The following TPO variants were observed in gnomAD, a reference collection of about 807,000 sequenced individuals.
TPO encodes thyroid microsomal antigen.
In TPO, 78 loss-of-function variants were observed where a neutral mutation model predicts 96.9. That is an observed-to-expected ratio of 0.81 (90% CI 0.67 to 0.97). The LOEUF (loss-of-function observed/expected upper bound fraction) is 0.97. Among genes scored for constraint, TPO ranks in the 50% least tolerant of loss-of-function variants. The pLI is 0.00. For missense variants in TPO, 1,252 were observed against 1,274.8 expected (o/e 0.98, Z 0.27); for synonymous variants, 547 against 538.0 (o/e 1.02, Z -0.23).
At chr2:1,396,711 C>A (rs1344271084) in intron 1 of TPO, among the ~76,000 whole-genome samples, 4 of 152,092 alleles carry the variant, frequency 2.6e-5, no homozygotes. Flanking sequence ...GAGCATGAGC[C>A]CCAGGTTAGA....
chr2:1,480,324 T>C (rs554875627), intron 8 of TPO, among the ~76,000 whole-genome samples: 2 of 152,254 alleles, frequency 1.3e-5, no homozygotes, highest in South Asian at 4.1e-4. Context: ...TAATAAGTTG[T>C]GTTTAACGTG....
intron 1 of TPO, among the ~76,000 whole-genome samples, chr2:1,395,562 A>G (rs1274434968): frequency 1.3e-5 from 2 of 152,342 alleles, no homozygotes; most frequent in African/African-American, 2.4e-5. Flanking sequence ...ACATAAAAAT[A>G]TCTCTCCATG....
At chr2:1,470,874 G>A (rs1669340005) in intron 7 of TPO, among the ~76,000 whole-genome samples, 1 of 152,334 alleles carries the variant, frequency 6.6e-6, no homozygotes, top group African/African-American at 2.4e-5. Context: ...GGAGGCCACA[G>A]GGCTTCCACT....
At chr2:1,463,587 A>G in intron 7 of TPO, among the ~76,000 whole-genome samples, 1 of 152,192 alleles carries the variant, frequency 6.6e-6, no homozygotes, top group Admixed American at 6.5e-5. Flanking sequence ...GAGACTATAA[A>G]TTAAAGTGTT....
At chr2:1,403,379 C>A (rs1175211188) in intron 1 of TPO, among the ~76,000 whole-genome samples, 2 of 152,208 alleles carry the variant, frequency 1.3e-5, no homozygotes, top group African/African-American at 2.4e-5. Flanking sequence ...CTCCTACCAT[C>A]GTGAGATAGA....
intron 15 of TPO, among the ~76,000 whole-genome samples, chr2:1,526,612 T>A (rs866220483): frequency 5.2e-5 from 7 of 134,766 alleles, no homozygotes; most frequent in Admixed American, 3.0e-4. Flanking sequence ...TCCCCCCAAC[T>A]CTGTGCAACC....
At chr2:1,422,269 C>A (rs1573108949) in intron 2 of TPO, among the ~76,000 whole-genome samples, 1 of 36,486 alleles carries the variant, frequency 2.7e-5, no homozygotes, top group Non-Finnish European at 5.0e-5. Flanking sequence ...GCATGGAAGG[C>A]GCGTGGGACT....
chr2:1,539,650 T>C (rs1009262016), intron 15 of TPO, among the ~76,000 whole-genome samples: 5 of 152,070 alleles, frequency 3.3e-5, no homozygotes, highest in African/African-American at 1.2e-4. Context: ...GGGACTGCGC[T>C]CCCCAGGAGG....
At chr2:1,523,506 C>T (rs115193010) in intron 15 of TPO, among the ~76,000 whole-genome samples, 1,605 of 102,122 alleles carry the variant, frequency 0.016, 25 homozygotes, top group South Asian at 0.047. Context: ...ATCCCCCCGA[C>T]TCTATGCAAC....
chr2:1,410,472 GGA>G (rs1409377063), upstream of TPO, among the ~76,000 whole-genome samples: 2 of 152,200 alleles, frequency 1.3e-5, no homozygotes, highest in African/African-American at 4.8e-5. Context: ...CCTCGGTTAG[GGA>G]GAGCCTCTTG....
rs59555461 is a variant in TPO, at chr2:1,377,300, C to T, written n.180+2898C>T. ...GCATTGGAATACGGTCTTTCTCTCACGGATTATTCTGGTAGATTTCAAAAG... is the reference window on the plus strand; with the variant it reads ...GCATTGGAATACGGTCTTTCTCTCATGGATTATTCTGGTAGATTTCAAAAG... On this transcript the variant is annotated intron_variant and non_coding_transcript_variant, in intron 1 of 5. Transcript: ENST00000497517. Among the ~76,000 whole-genome samples, 1,061 of 152,268 alleles carry T rather than the reference C, an allele frequency of 7.0e-3. 33 individuals are homozygous for T. Among genetic ancestry groups the T allele is most frequent in the South Asian group, 0.067 (325 of 4,830 alleles).
At chr2:1,423,237 A>T in intron 3 of TPO, 108 bp downstream of exon 3, 1 of 987,028 alleles carries the variant, frequency 1.0e-6, no homozygotes, top group Admixed American at 2.0e-5. Flanking sequence ...GAAAACCTGA[A>T]GCTTGCCATT....
chr2:1,523,010 G>GA (rs1675520055), intron 15 of TPO, among the ~76,000 whole-genome samples: 2 of 7,766 alleles, frequency 2.6e-4, no homozygotes, highest in East Asian at 3.6e-3. Context: ...AAACTCCCCA[G>GA]ATCCCCCCAA....
Position 1,436,273 on chromosome 2 carries a change from T to C in TPO, c.371T>C (p.Leu124Pro). Reference protein sequence around the residue: ...HPTDALSEDLLSIIANMSGCL... With the variant: ...HPTDALSEDLPSIIANMSGCL... ...ACAGATGCTTTATCAGAAGATCTGC[T>C]GAGCATCATTGCAAACATGTCTGGA... The change falls in exon 5 of 17, where the codon CTG becomes CCG. Residue 124 changes from leucine to proline, a missense_variant. Physicochemically the swap from Leu to Pro is moderately conservative, Grantham distance 98 (BLOSUM62 -3). Coordinates refer to ENST00000329066, the MANE Select transcript of TPO (RefSeq NM_001206744.2). The C allele has an allele frequency of 6.2e-7, 1 of 1,614,242 alleles. No individual in the cohort carries two copies. The highest frequency in any genetic ancestry group is 1.1e-5 in the South Asian group (1 of 91,084).
intron 15 of TPO, among the ~76,000 whole-genome samples, chr2:1,539,434 T>G (rs1470968086): frequency 1.3e-5 from 2 of 152,178 alleles, no homozygotes; most frequent in Non-Finnish European, 2.9e-5. Context: ...AAATGCCATT[T>G]GCTCCTAATG....
intron 3 of TPO, among the ~76,000 whole-genome samples, chr2:1,425,495 C>A (rs187436007): frequency 1.4e-5 from 2 of 138,578 alleles, no homozygotes; most frequent in Admixed American, 1.4e-4. Flanking sequence ...CTCAGAAGTC[C>A]GTACTCCTTC....
chr2:1,530,998 T>TC (rs1678025496), intron 15 of TPO, among the ~76,000 whole-genome samples: 1 of 69,396 alleles, frequency 1.4e-5, no homozygotes, highest in Non-Finnish European at 2.6e-5. Flanking sequence ...CTCAAATCCC[T>TC]CCACTCTGTG....
intron 1 of TPO, among the ~76,000 whole-genome samples, chr2:1,400,197 GA>G (rs894501001): frequency 6.6e-6 from 1 of 152,106 alleles, no homozygotes; most frequent in South Asian, 2.1e-4. Context: ...GCTATTAATT[GA>G]AAACCAAAAA....
intron 10 of TPO, among the ~76,000 whole-genome samples, 164 bp from the exon 11 acceptor site, chr2:1,493,638 G>A (rs116252374): frequency 5.0e-5 from 7 of 139,530 alleles, no homozygotes; most frequent in African/African-American, 1.3e-4. Context: ...GCCGGGCGTC[G>A]GAGCTGGAAT....
Sources: gnomAD v4.1 joint callset for allele counts (sites outside exome capture counted in the v4.1 genomes callset) on GRCh38, gnomAD v4.1.1 for gene constraint, MANE v1.5 for transcripts, NCBI Gene and HGNC (gene_info 2026-07-23, HGNC 2026-07-21) for gene names.